PPM1H: variants seen among roughly 807,000 people sequenced by gnomAD.
The protein encoded by PPM1H is protein phosphatase, Mg2+/Mn2+ dependent 1H.
In PPM1H, 27 loss-of-function variants were observed where a neutral mutation model predicts 54.9. The ratio of observed to expected loss-of-function variants is 0.49; its 90% CI spans 0.36 to 0.68. The LOEUF is 0.68. PPM1H is among the 30% of genes least tolerant of loss of function. The pLI is 0.00. For synonymous variants in PPM1H, 305 were observed against 270.8 expected, an observed-to-expected ratio of 1.13 and a Z score of -1.24; for missense variants, 596 against 667.8, an observed-to-expected ratio of 0.89 and a Z score of 1.19.
At chr12:62,822,152 A>G (rs934860699) in intron 2 of PPM1H, among the ~76,000 whole-genome samples, 12 of 152,226 alleles carry the variant, frequency 7.9e-5, no homozygotes, top group African/African-American at 2.9e-4. Flanking sequence ...ATCAGAAGAG[A>G]CAAAGAAGGC....
chr12:62,753,354 C>G (rs2076452819), intron 4 of PPM1H, among the ~76,000 whole-genome samples: 1 of 152,198 alleles, frequency 6.6e-6, no homozygotes, highest in Non-Finnish European at 1.5e-5. Flanking sequence ...CGAAAGAGTT[C>G]AGGAAACACT....
intron 1 of PPM1H, among the ~76,000 whole-genome samples, chr12:62,847,328 G>A (rs1409377919): frequency 6.6e-6 from 1 of 152,138 alleles, no homozygotes; most frequent in Admixed American, 6.5e-5. Context: ...TCCCTTGAAT[G>A]GCTGTCAATT....
rs4026211 is a variant in PPM1H at position 62,703,975 on chromosome 12, CGTGTGTGTGTGTGTGTGTGT to C, written c.1074-9996_1074-9977del. ...CTCACTACATGAAAGAGAGAGAAAG[CGTGTGTGTGTGTGTGTGTGT>C]GTGTGTGTGTGTGTGTGTGTCCTTT... On this transcript the variant is annotated intron_variant, in intron 6 of 9. Transcript: ENST00000228705. Among the ~76,000 whole-genome samples, 146 of 146,662 alleles carry C rather than the reference CGTGTGTGTGTGTGTGTGTGT, an allele frequency of 1.0e-3. 1 individual carries two copies. The highest frequency in any genetic ancestry group is 2.0e-4 in the East Asian group (1 of 4,906).
intron 4 of PPM1H, among the ~76,000 whole-genome samples, chr12:62,748,248 A>G (rs1243928697): frequency 1.3e-5 from 2 of 152,116 alleles, no homozygotes; most frequent in East Asian, 1.9e-4. Context: ...GTCTCAAAAA[A>G]AAAAAAGAAA....
rs544477712 is a variant in PPM1H at position 62,894,996 on chromosome 12, C to CTGTTAAAGTTAAA, written c.245+39495_245+39496insTTTAACTTTAACA. Among the ~76,000 whole-genome samples, 27 of 152,304 alleles carry CTGTTAAAGTTAAA rather than the reference C, an allele frequency of 1.8e-4. No individual in the cohort carries two copies. The South Asian group carries it at 5.0e-3, about 28-fold the overall frequency. ...TTTTATATAGTTACTGTTAAAGTTA[C>CTGTTAAAGTTAAA]CAGCATCAGTTGTTTATTCTAGTTA... On this transcript the variant is annotated intron_variant, in intron 1 of 9. Transcript: ENST00000228705.
chr12:62,665,568 A>G (rs1164699686), intron 9 of PPM1H, among the ~76,000 whole-genome samples: 1 of 152,112 alleles, frequency 6.6e-6, no homozygotes. Context: ...ATTATTTATT[A>G]GATCAATTTT....
chr12:62,647,125 C>T lies in PPM1H; in HGVS notation c.*1364G>A, dbSNP rs2075790270. On this transcript the variant is annotated 3_prime_UTR_variant, in exon 10 of 10. Coordinates refer to ENST00000228705, the MANE Select transcript of PPM1H (RefSeq NM_020700.2). ...TTTTATAATCTACTTGGCCATTCCT[C>T]CCAGCAGAGAAGCAGCAGGTAGATA... 1 of 152,186 alleles carries T rather than the reference C, an allele frequency of 6.6e-6. No homozygotes were observed. The highest frequency in any genetic ancestry group is 2.1e-4 in the South Asian group (1 of 4,824). The allele number at this position is 152,186 out of a possible 1,614,324, so 9.4% of individuals were successfully genotyped here.
chr12:62,682,543 C>T (rs781366131), intron 8 of PPM1H, among the ~76,000 whole-genome samples: 2 of 152,170 alleles, frequency 1.3e-5, no homozygotes, highest in African/African-American at 2.4e-5. Context: ...ACTCTGTCAC[C>T]AAGGCTCGAG....
chr12:62,785,778 G>A (rs2076667111), intron 4 of PPM1H, among the ~76,000 whole-genome samples: 1 of 151,784 alleles, frequency 6.6e-6, no homozygotes, highest in Non-Finnish European at 1.5e-5. Flanking sequence ...GAGCTTCTGG[G>A]ATGCAGGCTT....
At chr12:62,701,120 C>A (rs2076141676) in intron 6 of PPM1H, among the ~76,000 whole-genome samples, 1 of 152,278 alleles carries the variant, frequency 6.6e-6, no homozygotes, top group African/African-American at 2.4e-5. Flanking sequence ...GTTAAGCAAG[C>A]AAATTAATAC....
intron 4 of PPM1H, among the ~76,000 whole-genome samples, chr12:62,772,336 G>A (rs950556127): frequency 2.6e-5 from 4 of 152,136 alleles, no homozygotes; most frequent in East Asian, 1.9e-4. Context: ...TCAGGCCCAC[G>A]TGAGTTCCAA....
intron 1 of PPM1H, among the ~76,000 whole-genome samples, chr12:62,920,587 G>T (rs1462352149): frequency 1.4e-5 from 2 of 146,502 alleles, no homozygotes; most frequent in Admixed American, 1.4e-4. Context: ...CTCCCAAAGT[G>T]CTGGGATTAT....
chr12:62,841,677 T>G (rs904396690), intron 1 of PPM1H, among the ~76,000 whole-genome samples: 6 of 152,234 alleles, frequency 3.9e-5, no homozygotes, highest in Non-Finnish European at 8.8e-5. Context: ...GATACAGGTT[T>G]GGGTAGAACT....
At chr12:62,818,560 G>A (rs1201846361) in intron 2 of PPM1H, among the ~76,000 whole-genome samples, 1 of 151,082 alleles carries the variant, frequency 6.6e-6, no homozygotes, top group African/African-American at 2.4e-5. Context: ...TGCTAGAATT[G>A]TAGATTTCCT....
intron 1 of PPM1H, among the ~76,000 whole-genome samples, chr12:62,909,004 C>G (rs1396953147): frequency 1.3e-5 from 2 of 152,016 alleles, no homozygotes; most frequent in Non-Finnish European, 2.9e-5. Context: ...CCAGTTCCCA[C>G]CAGTCCCCCA....
At chr12:62,791,172 G>T (rs189026231) in intron 3 of PPM1H, among the ~76,000 whole-genome samples, 2 of 152,208 alleles carry the variant, frequency 1.3e-5, no homozygotes, top group East Asian at 3.9e-4. Context: ...CAATGCCAAC[G>T]CTCGCTGAGA....
intron 4 of PPM1H, among the ~76,000 whole-genome samples, chr12:62,766,304 TTTATCCATAC>T (rs1415319798): frequency 6.6e-6 from 1 of 152,184 alleles, no homozygotes. Context: ...GGACATCTTA[TTTATCCATAC>T]TTAACCTTTA....
chr12:62,678,986 C>T (rs577628773), intron 8 of PPM1H, among the ~76,000 whole-genome samples: 31 of 152,108 alleles, frequency 2.0e-4, no homozygotes, highest in African/African-American at 7.5e-4. Flanking sequence ...CACACCCAGC[C>T]CGTATACTCT....
At chr12:62,663,852 G>T (rs1011332382) in intron 9 of PPM1H, among the ~76,000 whole-genome samples, 3 of 152,174 alleles carry the variant, frequency 2.0e-5, no homozygotes, top group Non-Finnish European at 4.4e-5. Context: ...TTAGCTGGGC[G>T]TGGTGGCACA....
Sources: allele counts gnomAD v4.1 joint callset (sites outside exome capture counted in the v4.1 genomes callset), GRCh38; gene constraint gnomAD v4.1.1; transcripts MANE v1.5; gene names NCBI Gene and HGNC (gene_info 2026-07-23, HGNC 2026-07-21).